SIK3: variants seen among roughly 807,000 people sequenced by gnomAD.
The protein encoded by SIK3 is serine/threonine-protein kinase SIK3.
Under a neutral mutation model 144.2 loss-of-function variants are expected in SIK3, and 28 were observed. The observed-to-expected ratio is 0.19, with a 90% CI of 0.14 to 0.27. The LOEUF is 0.27. SIK3 is among the 10% of genes least tolerant of loss of function. SIK3 has a pLI of 1.00. For synonymous variants in SIK3, 686 were observed against 676.3 expected (o/e 1.01, Z -0.22); for missense variants, 1,319 against 1,776.0 (o/e 0.74, Z 4.62).
chr11:116,993,976 C>CT (rs1330611256), intron 1 of SIK3, among the ~76,000 whole-genome samples: 6 of 152,168 alleles, frequency 3.9e-5, no homozygotes, highest in Non-Finnish European at 8.8e-5. Context: ...TGCATGTATT[C>CT]TTTCAGAGAG....
intron 1 of SIK3, among the ~76,000 whole-genome samples, chr11:117,079,796 A>C (rs1332309321): frequency 6.6e-6 from 1 of 152,128 alleles, no homozygotes; most frequent in Non-Finnish European, 1.5e-5. Context: ...ATTTTATATT[A>C]GACACACACA....
At chr11:116,948,530 G>A (rs1422764443) in intron 3 of SIK3, among the ~76,000 whole-genome samples, 1 of 152,114 alleles carries the variant, frequency 6.6e-6, no homozygotes, top group African/African-American at 2.4e-5. Flanking sequence ...TCCCACCTCA[G>A]CATACCAAAG....
At chr11:116,913,324 T>C (rs1305623261) in intron 4 of SIK3, among the ~76,000 whole-genome samples, 4 of 152,122 alleles carry the variant, frequency 2.6e-5, no homozygotes, top group Non-Finnish European at 4.4e-5. Context: ...ATCATCTTAT[T>C]TGGGGGGAGA....
chr11:116,979,365 G>A (rs1950062430), intron 1 of SIK3, among the ~76,000 whole-genome samples: 1 of 148,670 alleles, frequency 6.7e-6, no homozygotes, highest in Non-Finnish European at 1.5e-5. Context: ...TTTTTTATTT[G>A]AGGAGTTCTT....
intron 3 of SIK3, among the ~76,000 whole-genome samples, chr11:116,945,195 G>C (rs569809979): frequency 4.2e-4 from 64 of 151,748 alleles, no homozygotes; most frequent in Non-Finnish European, 1.8e-4. Context: ...TCCTGACCTC[G>C]TGATCCGCCC....
chr11:116,865,924 G>A (rs960748628), intron 15 of SIK3, among the ~76,000 whole-genome samples: 1 of 152,110 alleles, frequency 6.6e-6, no homozygotes, highest in Admixed American at 6.6e-5. Flanking sequence ...CCCATCTTAT[G>A]CAATTTGCCA....
chr11:116,932,271 A>C lies in SIK3; in HGVS notation c.455-4891T>G, dbSNP rs974898355. On this transcript the variant is annotated intron_variant, in intron 3 of 24. Coordinates refer to ENST00000445177, the MANE Select transcript of SIK3 (RefSeq NM_001366686.3). ...CCAAGGTAGTAATCTTTTTTTAAAA[A>C]CTTTTTATTTTGAGATAATTATAGA... Among the ~76,000 whole-genome samples, 107 of 152,236 alleles carry C rather than the reference A, an allele frequency of 7.0e-4. 1 individual carries two copies. The highest frequency in any genetic ancestry group is 2.4e-3 in the African/African-American group (100 of 41,518).
chr11:116,849,128 C>T lies in SIK3; in HGVS notation c.3811G>A (p.Asp1271Asn), dbSNP rs376266762. 26 of 1,592,904 alleles carry T rather than the reference C, an allele frequency of 1.6e-5. No homozygotes were observed. The highest frequency in any genetic ancestry group is 6.7e-5 in the East Asian group (3 of 44,516). ...QRHHTIQNSD[D>N]AYVQLDNLPG... ...AGGTGGGACCAACATACATAAGCAT[C>T]GTCGCTGTTCTGGATCGTGTGGTGT... The change falls in exon 22 of 25, where the codon GAT becomes AAT. Residue 1271 changes from aspartate (D) to asparagine (N), a missense_variant. By Grantham distance (23) the Asp-to-Asn change is conservative. Transcript: ENST00000445177. This position sits in a 1 kb window ranked among gnomAD's most constrained non-coding sequence, Gnocchi z 4.2.
chr11:116,932,318 A>G (rs1056424875), intron 3 of SIK3, among the ~76,000 whole-genome samples: 2 of 152,226 alleles, frequency 1.3e-5, no homozygotes, highest in African/African-American at 2.4e-5. Context: ...TTGCAAAGAC[A>G]GTGCAGAGAG....
chr11:116,874,686 T>A (rs1944150011), intron 11 of SIK3, among the ~76,000 whole-genome samples: 1 of 152,196 alleles, frequency 6.6e-6, no homozygotes, highest in African/African-American at 2.4e-5. Context: ...CATGGGAGTC[T>A]TTTTTGGAAA....
At chr11:116,880,119 C>T (rs1411198715) in intron 6 of SIK3, among the ~76,000 whole-genome samples, 1 of 152,060 alleles carries the variant, frequency 6.6e-6, no homozygotes, top group African/African-American at 2.4e-5. Context: ...CAGATTTTTT[C>T]CAAGGCAATT....
intron 3 of SIK3, among the ~76,000 whole-genome samples, chr11:116,928,935 G>A (rs935812228): frequency 5.3e-5 from 8 of 152,138 alleles, no homozygotes; most frequent in African/African-American, 1.9e-4. Context: ...GAAGAAAAAG[G>A]AGAAAATAAG....
Position 116,861,882 on chromosome 11 carries a change from T to C in SIK3, c.2274A>G (p.Ala758=). ...TAAGGAGGGCTGGCTGATTTTCACA[T>C]GCAGCCTGAAGAGGTGGAGATGGCT... ...PPQPSPPLQA[A]CENQPALLTH... The change falls in exon 18 of 25, where the codon GCA becomes GCG. Residue 758 remains alanine, a synonymous_variant. Transcript: ENST00000445177. 1.9e-6 allele frequency: 3 copies of C among 1,612,284 alleles called. No homozygotes were observed. The highest frequency in any genetic ancestry group is 2.5e-6 in the Non-Finnish European group (3 of 1,179,346).
intron 3 of SIK3, among the ~76,000 whole-genome samples, chr11:116,936,885 T>G (rs1026825415): frequency 9.2e-5 from 14 of 152,350 alleles, no homozygotes; most frequent in African/African-American, 3.4e-4. Context: ...TTTTACTTCT[T>G]GCTGGAATGC....
intron 1 of SIK3, among the ~76,000 whole-genome samples, chr11:117,035,110 C>A (rs927011857): frequency 2.0e-5 from 3 of 152,008 alleles, no homozygotes; most frequent in Non-Finnish European, 4.4e-5. Flanking sequence ...GGGCTATAAT[C>A]CAAAATGCTT....
chr11:117,040,948 C>CTTTTTTTT (rs369066520), intron 1 of SIK3, among the ~76,000 whole-genome samples: 1 of 116,828 alleles, frequency 8.6e-6, no homozygotes. Flanking sequence ...TACCTGCCTC[C>CTTTTTTTT]TTTTTTTTTT....
At chr11:116,940,048 G>A (rs1948200003) in intron 3 of SIK3, among the ~76,000 whole-genome samples, 1 of 152,138 alleles carries the variant, frequency 6.6e-6, no homozygotes, top group Non-Finnish European at 1.5e-5. Context: ...TTGTATGTAA[G>A]AATGGCATTG....
At chr11:117,092,340 A>G (rs998224721) in intron 1 of SIK3, among the ~76,000 whole-genome samples, 2 of 152,030 alleles carry the variant, frequency 1.3e-5, no homozygotes, top group African/African-American at 4.8e-5. Flanking sequence ...TTCCTTCTGT[A>G]AGGAATCTTC....
At chr11:116,943,362 G>A (rs551833770) in intron 3 of SIK3, among the ~76,000 whole-genome samples, 6 of 152,180 alleles carry the variant, frequency 3.9e-5, no homozygotes, top group East Asian at 1.9e-4. Context: ...CTTTTACATC[G>A]GGGCCAACAC....
Sources: gnomAD v4.1 joint callset for allele counts (sites outside exome capture counted in the v4.1 genomes callset) on GRCh38, gnomAD v4.1.1 for gene constraint, Gnocchi (gnomAD v3.1) non-coding constraint, MANE v1.5 for transcripts, NCBI Gene and HGNC (gene_info 2026-07-23, HGNC 2026-07-21) for gene names.